Variants in PTPN6 observed in about 807,000 individuals in gnomAD.
PTPN6 encodes the protein protein tyrosine phosphatase non-receptor type 6.
In PTPN6, 18 loss-of-function variants were observed where a neutral mutation model predicts 81.5. The ratio of observed to expected loss-of-function variants is 0.22; its 90% CI spans 0.15 to 0.33. PTPN6 has a LOEUF of 0.33. PTPN6 is among the 10% of genes least tolerant of loss of function. PTPN6 has a pLI of 1.00. For synonymous variants in PTPN6, 301 were observed against 310.9 expected (o/e 0.97, Z 0.33); for missense variants, 500 against 794.2 (o/e 0.63, Z 4.45).
Position 6,955,340 on chromosome 12 carries a change from A to G in PTPN6, c.634-32A>G, listed in dbSNP as rs1555148446. On this transcript the variant is annotated intron_variant, in intron 5 of 15. Coordinates refer to ENST00000318974, the MANE Select transcript of PTPN6 (RefSeq NM_002831.6). The surrounding 1 kb of genome is among the most constrained non-coding windows in gnomAD (Gnocchi z 7.2). ...CAGATGTGAGCTTCTGGGATCTCTG[A>G]GTTGCTGACTTCTCGCTCTTCCCCA... 1 of 1,611,650 alleles carries G rather than the reference A, an allele frequency of 6.2e-7. No homozygotes were observed. The highest frequency in any genetic ancestry group is 8.5e-7 in the Non-Finnish European group (1 of 1,177,956).
Position 6,954,703 on chromosome 12 carries a change from A to G in PTPN6, c.327-102A>G. On this transcript the variant is annotated intron_variant, in intron 3 of 15. Coordinates refer to ENST00000318974, the MANE Select transcript of PTPN6 (RefSeq NM_002831.6). The surrounding 1 kb of genome is among the most constrained non-coding windows in gnomAD (Gnocchi z 5.4). Reference sequence around the variant, plus strand: ...GGAAGCATGTAGCGCAGTGCCTGGCACACAGTAGGTGCTTGATTTCCGGCC... The same window carrying G: ...GGAAGCATGTAGCGCAGTGCCTGGCGCACAGTAGGTGCTTGATTTCCGGCC... The G allele has an allele frequency of 8.3e-7, 1 of 1,209,962 alleles. No individual in the cohort carries two copies. The allele number at this position is 1,209,962 out of a possible 1,614,324, so 75.0% of individuals were successfully genotyped here. A position where few individuals can be genotyped will look rare whatever the true frequency, so the allele number is the denominator to read the frequency against.
chr12:6,956,070 G>T lies in PTPN6; in HGVS notation c.845-72G>T. Reference sequence around the variant, plus strand: ...AGACCAGAATGGCCTGTTAGCTCAGGAGGGTCTGACCCAGGTGTGGTGAGT... The same window carrying T: ...AGACCAGAATGGCCTGTTAGCTCAGTAGGGTCTGACCCAGGTGTGGTGAGT... On this transcript the variant is annotated intron_variant, in intron 7 of 15. Coordinates refer to ENST00000318974, the MANE Select transcript of PTPN6 (RefSeq NM_002831.6). The surrounding 1 kb of genome is among the most constrained non-coding windows in gnomAD (Gnocchi z 4.1). 1 of 1,486,076 alleles carries T rather than the reference G, an allele frequency of 6.7e-7. No homozygotes were observed. The highest frequency in any genetic ancestry group is 9.4e-7 in the Non-Finnish European group (1 of 1,064,916). The allele number at this position is 1,486,076 out of a possible 1,614,324, so 92.1% of individuals were successfully genotyped here.
upstream of PTPN6, chr12:6,951,280 C>G (rs782091732): frequency 6.9e-7 from 1 of 1,449,474 alleles, no homozygotes; most frequent in Admixed American, 2.6e-5. The surrounding 1 kb of genome is among the most constrained non-coding windows in gnomAD (Gnocchi z 7.2). Context: ...TGCTCTAAAA[C>G]GAGAAGTACA....
upstream of PTPN6, chr12:6,951,239 G>A (rs1555147642): frequency 7.0e-7 from 1 of 1,427,250 alleles, no homozygotes. The surrounding 1 kb of genome is among the most constrained non-coding windows in gnomAD (Gnocchi z 7.2). Context: ...CACCCCCAGT[G>A]CCACCCTGCT....
Position 6,957,507 on chromosome 12 carries a change from C to A in PTPN6, c.1075-147C>A. On this transcript the variant is annotated intron_variant, in intron 9 of 15. Transcript: ENST00000318974. This position sits in a 1 kb window ranked among gnomAD's most constrained non-coding sequence, Gnocchi z 6.5. Reference sequence around the variant, plus strand: ...GTTGGTGGTTGATCTGAGACGAGAGCCCAGGTCTCCTGCCTCTCTGCCAGC... The same window carrying A: ...GTTGGTGGTTGATCTGAGACGAGAGACCAGGTCTCCTGCCTCTCTGCCAGC... 9.3e-7 allele frequency: 1 copy of A among 1,076,360 alleles called. No homozygotes were observed. Among genetic ancestry groups the A allele is most frequent in the Non-Finnish European group, 1.4e-6 (1 of 738,410 alleles). The allele number at this position is 1,076,360 out of a possible 1,614,324, so 66.7% of individuals were successfully genotyped here. A position where few individuals can be genotyped will look rare whatever the true frequency, so the allele number is the denominator to read the frequency against.
chr12:6,946,948 C>T (rs149288220), upstream of PTPN6, among the ~76,000 whole-genome samples: 128 of 152,338 alleles, frequency 8.4e-4, 2 homozygotes, highest in African/African-American at 2.8e-3. Flanking sequence ...TAACATTTTC[C>T]CCTGGACAAG....
In PTPN6 at chr12:6,955,473, G is replaced by A. The variant is rs1555148490; in HGVS notation, c.735G>A (p.Trp245Ter). The A allele has an allele frequency of 6.2e-7, 1 of 1,613,950 alleles. No homozygotes were observed. Among genetic ancestry groups the A allele is most frequent in the Non-Finnish European group, 8.5e-7 (1 of 1,180,004 alleles). ...AGGATACAGCCAAGGCTGGCTTCTG[G>A]GAGGAGTTTGAGGTGCATGGTGGGG... is the stretch of plus-strand genomic sequence containing the variant. ...ESEDTAKAGF[W>*]EEFESLQKQE... Residue 245 changes from tryptophan (W) to a stop codon, truncating the protein, a stop_gained, in exon 6 of 16, where the codon TGG (tryptophan) becomes TGA (stop). Transcript: ENST00000318974. LOFTEE classifies it high-confidence loss of function. The surrounding 1 kb of genome is among the most constrained non-coding windows in gnomAD (Gnocchi z 7.2).
Position 6,955,867 on chromosome 12 carries a change from C to A in PTPN6, c.844+111C>A. 1 of 1,035,562 alleles carries A rather than the reference C, an allele frequency of 9.7e-7. No individual in the cohort carries two copies. Among genetic ancestry groups the A allele is most frequent in the Non-Finnish European group, 1.5e-6 (1 of 672,124 alleles). 64.1% of individuals were successfully genotyped at this position (1,035,562 alleles called of 1,614,324 possible). A position where few individuals can be genotyped will look rare whatever the true frequency, so the allele number is the denominator to read the frequency against. On this transcript the variant is annotated intron_variant, in intron 7 of 15. Coordinates refer to ENST00000318974, the MANE Select transcript of PTPN6 (RefSeq NM_002831.6). The surrounding 1 kb of genome is among the most constrained non-coding windows in gnomAD (Gnocchi z 7.2). ...GCCAGGAGGGGCCATCTCCCCACAC[C>A]CCCCACAGAGCCTCCCCCTTCTCCA...
upstream of PTPN6, chr12:6,951,348 C>T (rs1945919815): frequency 2.0e-6 from 3 of 1,532,776 alleles, no homozygotes; most frequent in Non-Finnish European, 2.6e-6. The surrounding 1 kb of genome is among the most constrained non-coding windows in gnomAD (Gnocchi z 7.2). Flanking sequence ...TGCCGGCTGC[C>T]CCAGGCCAGT....
chr12:6,961,155 G>T lies in PTPN6; in HGVS notation c.*55G>T, dbSNP rs782606097. 21 of 722,788 alleles carry T rather than the reference G, an allele frequency of 2.9e-5. 1 individual carries two copies. Among genetic ancestry groups the T allele is most frequent in the African/African-American group, 2.7e-4 (15 of 56,120 alleles). 44.8% of individuals were successfully genotyped at this position (722,788 alleles called of 1,614,324 possible). ...AGCCCTGACCCTGTGGAAGCATTTCGCGATGGACAGACTCACAACCTGAAC... is the reference window on the plus strand; with the variant it reads ...AGCCCTGACCCTGTGGAAGCATTTCTCGATGGACAGACTCACAACCTGAAC... On this transcript the variant is annotated 3_prime_UTR_variant, in exon 16 of 16. Transcript: ENST00000318974.
rs1201457092 is a variant in PTPN6 at position 6,954,188 on chromosome 12, A to C, written c.327-617A>C. The stretch of plus-strand genomic sequence containing the variant: ...GAACCCCCTACACCACTCTTTCCCC[A>C]GTGGGGTTGTCTTCCCCGCCTCCCT... On this transcript the variant is annotated intron_variant, in intron 3 of 15. Coordinates refer to ENST00000318974, the MANE Select transcript of PTPN6 (RefSeq NM_002831.6). This position sits in a 1 kb window ranked among gnomAD's most constrained non-coding sequence, Gnocchi z 5.4. Among the ~76,000 whole-genome samples the C allele has an allele frequency of 1.3e-5, 2 of 152,144 alleles. No homozygotes were observed. Among genetic ancestry groups the C allele is most frequent in the African/African-American group, 4.8e-5 (2 of 41,438 alleles).
chr12:6,951,233 C>T (rs958775935), upstream of PTPN6: 32 of 1,426,390 alleles, frequency 2.2e-5, no homozygotes, highest in African/African-American at 4.2e-4. This position sits in a 1 kb window ranked among gnomAD's most constrained non-coding sequence, Gnocchi z 7.2. Context: ...CGTCCCCACC[C>T]CCAGTGCCAC....
Position 6,956,280 on chromosome 12 carries a change from G to T in PTPN6, c.924+59G>T, listed in dbSNP as rs1049269942. ...GGGCCCTGGGAATTCCCTGTCTGGT[G>T]GGGGGACCCTAGATCCAGAGACAGC... is the stretch of plus-strand genomic sequence containing the variant. On this transcript the variant is annotated intron_variant, in intron 8 of 15. Transcript: ENST00000318974. This position sits in a 1 kb window ranked among gnomAD's most constrained non-coding sequence, Gnocchi z 4.1. 6.2e-7 allele frequency: 1 copy of T among 1,607,462 alleles called. No homozygotes were observed. The highest frequency in any genetic ancestry group is 8.5e-7 in the Non-Finnish European group (1 of 1,174,260).
In PTPN6 at chr12:6,956,270, C is replaced by T. The variant is rs185021354; in HGVS notation, c.924+49C>T. 6 of 1,610,852 alleles carry T rather than the reference C, an allele frequency of 3.7e-6. No individual in the cohort carries two copies. The South Asian group carries it at 6.6e-5, about 18-fold the overall frequency. ...AGGAGAGGCTGGGCCCTGGGAATTC[C>T]CTGTCTGGTGGGGGGACCCTAGATC... On this transcript the variant is annotated intron_variant, in intron 8 of 15. Coordinates refer to ENST00000318974, the MANE Select transcript of PTPN6 (RefSeq NM_002831.6). The surrounding 1 kb of genome is among the most constrained non-coding windows in gnomAD (Gnocchi z 4.1).
chr12:6,951,244 C>CATTAAAAAAAAAA, upstream of PTPN6: 1 of 1,433,474 alleles, frequency 7.0e-7, no homozygotes, highest in African/African-American at 1.4e-5. This position sits in a 1 kb window ranked among gnomAD's most constrained non-coding sequence, Gnocchi z 7.2. Flanking sequence ...CCAGTGCCAC[C>CATTAAAAAAAAAA]CTGCTCTGCT....
At chr12:6,947,731 A>G (rs1325660443), upstream of PTPN6, among the ~76,000 whole-genome samples, 2 of 151,588 alleles carry the variant, frequency 1.3e-5, no homozygotes, top group Non-Finnish European at 2.9e-5. Context: ...CTGGGTGTGC[A>G]GGTGACATTA....
chr12:6,949,895 C>A (rs1945895286), upstream of PTPN6, among the ~76,000 whole-genome samples: 1 of 143,656 alleles, frequency 7.0e-6, no homozygotes, highest in Non-Finnish European at 1.5e-5. Flanking sequence ...CTCACTGCAA[C>A]CTCCACCTCC....
Position 6,952,422 on chromosome 12 carries a change from C to T in PTPN6, c.326+245C>T, listed in dbSNP as rs782633660. 2.3e-5 allele frequency: 13 copies of T among 577,130 alleles called. No individual in the cohort carries two copies. Among genetic ancestry groups the T allele is most frequent in the African/African-American group, 1.1e-4 (6 of 53,508 alleles). 35.8% of individuals were successfully genotyped at this position (577,130 alleles called of 1,614,324 possible). ...CACAGAAAGCTGCCTCGCCCTACTC[C>T]GGGAGCCCTGGCCGCTGCAACCCAG... On this transcript the variant is annotated intron_variant, in intron 3 of 15. Transcript: ENST00000318974. The surrounding 1 kb of genome is among the most constrained non-coding windows in gnomAD (Gnocchi z 8.1).
At position 6,952,174 on chromosome 12, in the gene PTPN6, A is replaced by G; in HGVS notation, c.323A>G (p.Glu108Gly). Residue 108 changes from glutamate to glycine, a missense_variant, in exon 3 of 16, where the codon GAG becomes GGG. Glu to Gly is a moderately conservative substitution (Grantham distance 98). Transcript: ENST00000318974. This position sits in a 1 kb window ranked among gnomAD's most constrained non-coding sequence, Gnocchi z 8.1. Reference protein sequence around the residue: ...YPLNCSDPTSERWYHGHMSGG... With the variant: ...YPLNCSDPTSGRWYHGHMSGG... ...CTGAACTGCTCCGATCCCACTAGTG[A>G]GAGGTGAGGGCTCCGCACCCCCGCC... 6.2e-7 allele frequency: 1 copy of G among 1,613,598 alleles called. No homozygotes were observed. The highest frequency in any genetic ancestry group is 8.5e-7 in the Non-Finnish European group (1 of 1,179,958).
Sources: gnomAD v4.1 joint callset for allele counts (sites outside exome capture counted in the v4.1 genomes callset) on GRCh38, gnomAD v4.1.1 for gene constraint, Gnocchi (gnomAD v3.1) non-coding constraint, MANE v1.5 for transcripts, NCBI Gene and HGNC (gene_info 2026-07-23, HGNC 2026-07-21) for gene names.